ASTN2: variants seen among roughly 807,000 people sequenced by gnomAD.
ASTN2 encodes astrotactin 2.
A neutral mutation model predicts 139.8 loss-of-function variants in ASTN2; 54 were observed. The ratio of observed to expected loss-of-function variants is 0.39; its 90% CI spans 0.31 to 0.48. The LOEUF is 0.48. Ranked by LOEUF, ASTN2 falls within the 20% of genes least tolerant of loss-of-function variation. The pLI is 0.95. For synonymous variants in ASTN2, 756 were observed against 719.5 expected (o/e 1.05, Z -0.81); for missense variants, 1,565 against 1,725.1 (o/e 0.91, Z 1.64).
At chr9:117,411,139 A>G (rs1831146917) in intron 1 of ASTN2, among the ~76,000 whole-genome samples, 1 of 152,140 alleles carries the variant, frequency 6.6e-6, no homozygotes, top group Non-Finnish European at 1.5e-5. Flanking sequence ...CCTCTCTAAA[A>G]ATACTTCCTC....
chr9:116,900,919 G>C (rs1386041550), intron 10 of ASTN2, among the ~76,000 whole-genome samples: 1 of 152,010 alleles, frequency 6.6e-6, no homozygotes, highest in Non-Finnish European at 1.5e-5. Flanking sequence ...CTTGCCAGCG[G>C]GTAAAACGTT....
At chr9:117,376,939 A>G (rs904123481) in intron 1 of ASTN2, among the ~76,000 whole-genome samples, 2 of 152,208 alleles carry the variant, frequency 1.3e-5, no homozygotes, top group Non-Finnish European at 2.9e-5. Context: ...ATCTTTAAAA[A>G]AAAACAACCA....
intron 16 of ASTN2, among the ~76,000 whole-genome samples, chr9:116,710,048 C>T (rs888688799): frequency 1.3e-5 from 2 of 152,200 alleles, no homozygotes; most frequent in African/African-American, 4.8e-5. Context: ...CTTACTCCCT[C>T]TTCTTCAGCT....
At chr9:117,387,085 A>C (rs978990637) in intron 1 of ASTN2, among the ~76,000 whole-genome samples, 1 of 152,134 alleles carries the variant, frequency 6.6e-6, no homozygotes, top group Admixed American at 6.5e-5. Context: ...GGAGAATAGG[A>C]AAGTTCTTCT....
intron 17 of ASTN2, among the ~76,000 whole-genome samples, chr9:116,645,079 T>G (rs1857521242): frequency 6.6e-6 from 1 of 152,210 alleles, no homozygotes; most frequent in East Asian, 1.9e-4. Flanking sequence ...CTAGATTGCC[T>G]ACTTTACAAA....
intron 17 of ASTN2, among the ~76,000 whole-genome samples, chr9:116,640,426 GA>G (rs1316790171): frequency 1.2e-4 from 18 of 152,232 alleles, no homozygotes; most frequent in African/African-American, 4.1e-4. Context: ...GAAAGTAAGT[GA>G]AAAAATAAAC....
chr9:116,775,917 G>A (rs1038889283), intron 13 of ASTN2, among the ~76,000 whole-genome samples: 7 of 152,124 alleles, frequency 4.6e-5, no homozygotes, highest in African/African-American at 1.7e-4. Context: ...ACAAATCAGG[G>A]AATCCAAGGT....
intron 10 of ASTN2, among the ~76,000 whole-genome samples, chr9:116,968,221 T>G (rs1836075617): frequency 6.6e-6 from 1 of 152,208 alleles, no homozygotes; most frequent in Non-Finnish European, 1.5e-5. Context: ...TTTCTGGTTT[T>G]TCTACTTCTA....
At chr9:117,344,059 T>G (rs1226798624) in intron 1 of ASTN2, among the ~76,000 whole-genome samples, 1 of 151,650 alleles carries the variant, frequency 6.6e-6, no homozygotes, top group Non-Finnish European at 1.5e-5. Flanking sequence ...GAAAAGCATC[T>G]CCCAAGGTGG....
chr9:117,238,805 T>C (rs535874438), intron 2 of ASTN2, among the ~76,000 whole-genome samples: 1 of 152,172 alleles, frequency 6.6e-6, no homozygotes, highest in Non-Finnish European at 1.5e-5. Flanking sequence ...TAAGTGTGTG[T>C]GAAGTTTCTG....
chr9:116,890,551 C>T (rs1439403352), intron 10 of ASTN2, among the ~76,000 whole-genome samples: 1 of 152,172 alleles, frequency 6.6e-6, no homozygotes, highest in Non-Finnish European at 1.5e-5. Flanking sequence ...AAGTACATAG[C>T]TGTAAAATGA....
intron 19 of ASTN2, among the ~76,000 whole-genome samples, chr9:116,575,581 A>C (rs1405652412): frequency 1.3e-5 from 2 of 152,186 alleles, no homozygotes; most frequent in Non-Finnish European, 1.5e-5. Flanking sequence ...TTGTTATATT[A>C]ATATAAGGTC....
intron 17 of ASTN2, among the ~76,000 whole-genome samples, chr9:116,633,474 C>T (rs1265461526): frequency 6.6e-6 from 1 of 152,158 alleles, no homozygotes; most frequent in Non-Finnish European, 1.5e-5. Flanking sequence ...AGAGACAAGA[C>T]CTGTCTTCTA....
intron 19 of ASTN2, among the ~76,000 whole-genome samples, chr9:116,500,169 C>T (rs1290711654): frequency 2.6e-5 from 4 of 152,170 alleles, no homozygotes; most frequent in Non-Finnish European, 4.4e-5. Context: ...TTTGACTCTA[C>T]TATCCCTGTG....
At chr9:116,661,006 T>C (rs1162785690) in intron 16 of ASTN2, among the ~76,000 whole-genome samples, 1 of 152,156 alleles carries the variant, frequency 6.6e-6, no homozygotes. Context: ...AGTGATAAAG[T>C]ATAACTTGCA....
At chr9:117,365,051 C>T (rs941748961) in intron 1 of ASTN2, among the ~76,000 whole-genome samples, 4 of 150,750 alleles carry the variant, frequency 2.7e-5, no homozygotes, top group Non-Finnish European at 4.4e-5. Context: ...ACTCAGGAGG[C>T]TGGGAAAGGA....
intron 2 of ASTN2, among the ~76,000 whole-genome samples, chr9:117,284,190 G>A (rs190321212): frequency 7.2e-5 from 11 of 152,130 alleles, no homozygotes; most frequent in African/African-American, 2.2e-4. Context: ...TGCAACCTCC[G>A]TCTCCCAGAC....
rs946654921 is a variant in ASTN2, at chr9:116,547,914, C to T, written c.3356-60414G>A. ...CCTCTGCGTGGGGTGCATTCTCAGG[C>T]AGGCTGTCTGAGGCAGCAGCTGCGG... On this transcript the variant is annotated intron_variant, in intron 19 of 22. Transcript: ENST00000313400. Among the ~76,000 whole-genome samples the T allele has an allele frequency of 2.0e-5, 3 of 152,090 alleles. No individual in the cohort carries two copies. The South Asian group carries it at 6.2e-4, about 32-fold the overall frequency.
intron 19 of ASTN2, among the ~76,000 whole-genome samples, chr9:116,537,095 C>T (rs918612433): frequency 3.9e-5 from 6 of 152,192 alleles, no homozygotes; most frequent in Admixed American, 2.0e-4. Flanking sequence ...CCTTGCAGTT[C>T]GATCTCAGAC....
Sources: gnomAD v4.1 joint callset for allele counts (sites outside exome capture counted in the v4.1 genomes callset) on GRCh38, gnomAD v4.1.1 for gene constraint, MANE v1.5 for transcripts, NCBI Gene and HGNC (gene_info 2026-07-23, HGNC 2026-07-21) for gene names.